Variants in TGFBR2 observed in about 807,000 individuals in gnomAD.
The protein encoded by TGFBR2 is transforming growth factor beta receptor 2.
Under a neutral mutation model 49.0 loss-of-function variants are expected in TGFBR2, and 18 were observed. The ratio of observed to expected loss-of-function variants is 0.37; its 90% confidence interval spans 0.25 to 0.54. The LOEUF is 0.54. Among genes scored for constraint, TGFBR2 ranks in the 20% least tolerant of loss-of-function variants. The pLI is 0.85. For synonymous variants in TGFBR2, 282 were observed against 275.9 expected (o/e 1.02, Z -0.22); for missense variants, 525 against 722.6 (o/e 0.73, Z 3.13).
At chr3:30,625,905 A>C (rs750007057) in intron 1 of TGFBR2, among the ~76,000 whole-genome samples, 5 of 151,964 alleles carry the variant, frequency 3.3e-5, no homozygotes, top group South Asian at 2.1e-4. Flanking sequence ...TAACTACTAC[A>C]TTTTTTCCTA....
intron 1 of TGFBR2, among the ~76,000 whole-genome samples, chr3:30,624,338 C>T (rs139728946): frequency 6.6e-6 from 1 of 152,190 alleles, no homozygotes; most frequent in African/African-American, 2.4e-5. Flanking sequence ...ACTTTGATGG[C>T]CAGGCACGGT....
At chr3:30,635,900 C>A (rs902962011) in intron 1 of TGFBR2, among the ~76,000 whole-genome samples, 1 of 152,114 alleles carries the variant, frequency 6.6e-6, no homozygotes, top group African/African-American at 2.4e-5. Flanking sequence ...TAAACACACA[C>A]ACTCACACAC....
chr3:30,672,128 G>C lies in TGFBR2; in HGVS notation c.945G>C (p.Thr315=), dbSNP rs1012171192. The part of the protein sequence containing the change: ...LQFLTAEERK[T]ELGKQYWLIT... ...TCCTGACGGCTGAGGAGCGGAAGAC[G>C]GAGTTGGGGAAACAATACTGGCTGA... Residue 315 remains threonine (T), a synonymous_variant, in exon 4 of 7, where the codon ACG becomes ACC. Coordinates refer to ENST00000295754, the MANE Select transcript of TGFBR2 (RefSeq NM_003242.6). The surrounding 1 kb of genome is among the most constrained non-coding windows in gnomAD (Gnocchi z 4.5). The C allele has an allele frequency of 6.2e-7, 1 of 1,614,194 alleles. No individual in the cohort carries two copies. Among genetic ancestry groups the C allele is most frequent in the Admixed American group, 1.7e-5 (1 of 60,030 alleles).
intron 1 of TGFBR2, among the ~76,000 whole-genome samples, chr3:30,642,362 A>T (rs2125402745): frequency 6.6e-6 from 1 of 152,232 alleles, no homozygotes; most frequent in African/African-American, 2.4e-5. Context: ...TTTCCAACTA[A>T]CTATAGGTCT....
chr3:30,633,817 A>G (rs17838695), intron 1 of TGFBR2, among the ~76,000 whole-genome samples: 16 of 152,330 alleles, frequency 1.1e-4, no homozygotes, highest in African/African-American at 3.8e-4. Flanking sequence ...GCCAAACAGA[A>G]CACATCTGTG....
chr3:30,608,583 G>A (rs1365016437), intron 1 of TGFBR2, among the ~76,000 whole-genome samples: 7 of 152,136 alleles, frequency 4.6e-5, no homozygotes, highest in Non-Finnish European at 7.3e-5. Flanking sequence ...GAAAAAATGC[G>A]CATCACGGTC....
chr3:30,608,519 G>A (rs1697975588), intron 1 of TGFBR2, among the ~76,000 whole-genome samples: 1 of 152,060 alleles, frequency 6.6e-6, no homozygotes, highest in South Asian at 2.1e-4. Flanking sequence ...TCACCCGGAG[G>A]CACTCATTTT....
At chr3:30,638,896 C>A (rs1698591857) in intron 1 of TGFBR2, among the ~76,000 whole-genome samples, 1 of 152,142 alleles carries the variant, frequency 6.6e-6, no homozygotes, top group South Asian at 2.1e-4. Context: ...CAGGCCACAG[C>A]GGCTTTCTGC....
In TGFBR2 at chr3:30,650,420, T is replaced by C. The variant is rs1308041270; in HGVS notation, c.414T>C (p.Cys138=). 1 of 1,613,988 alleles carries C rather than the reference T, an allele frequency of 6.2e-7. No homozygotes were observed. The highest frequency in any genetic ancestry group is 2.2e-5 in the East Asian group (1 of 44,888). The change falls in exon 3 of 7, where the codon TGT becomes TGC. Residue 138 remains cysteine, a synonymous_variant. Transcript: ENST00000295754. ...GTGAGACTTTCTTCATGTGTTCCTG[T>C]AGCTCTGATGAGTGCAATGACAACA... ...KPGETFFMCS[C]SSDECNDNII...
intron 1 of TGFBR2, among the ~76,000 whole-genome samples, chr3:30,608,279 T>C (rs546948079): frequency 6.6e-6 from 1 of 152,308 alleles, no homozygotes; most frequent in East Asian, 1.9e-4. Flanking sequence ...TAACAGTATC[T>C]GCAGCTGTGG....
At chr3:30,645,764 G>T (rs950981325) in intron 2 of TGFBR2, among the ~76,000 whole-genome samples, 4 of 151,930 alleles carry the variant, frequency 2.6e-5, no homozygotes, top group African/African-American at 9.7e-5. Context: ...GGAATTACAG[G>T]CATGAGCCAC....
chr3:30,620,079 C>T (rs986483482), intron 1 of TGFBR2, among the ~76,000 whole-genome samples: 1 of 152,052 alleles, frequency 6.6e-6, no homozygotes, highest in Non-Finnish European at 1.5e-5. Flanking sequence ...CCCAGCTACT[C>T]GGGAGGCTGA....
At chr3:30,636,493 G>A (rs1003843118) in intron 1 of TGFBR2, among the ~76,000 whole-genome samples, 88 of 152,088 alleles carry the variant, frequency 5.8e-4, no homozygotes, top group African/African-American at 2.1e-3. Context: ...AAAGCTGCAT[G>A]CATCTGCCAT....
At chr3:30,641,268 A>T (rs1433770498) in intron 1 of TGFBR2, among the ~76,000 whole-genome samples, 4 of 152,202 alleles carry the variant, frequency 2.6e-5, no homozygotes, top group African/African-American at 9.6e-5. Flanking sequence ...TATCAAACTT[A>T]GGTGACTCCA....
rs1199303428 is a variant in TGFBR2 at position 30,650,430 on chromosome 3, G to A, written c.424G>A (p.Glu142Lys). Reference sequence around the variant, plus strand: ...CTTCATGTGTTCCTGTAGCTCTGATGAGTGCAATGACAACATCATCTTCTC... The same window carrying A: ...CTTCATGTGTTCCTGTAGCTCTGATAAGTGCAATGACAACATCATCTTCTC... ...TFFMCSCSSD[E>K]CNDNIIFSEE... The change falls in exon 3 of 7, where the codon GAG becomes AAG. Residue 142 changes from glutamate (E) to lysine (K), a missense_variant. Physicochemically the swap from Glu to Lys is moderately conservative, Grantham distance 56. Coordinates refer to ENST00000295754, the MANE Select transcript of TGFBR2 (RefSeq NM_003242.6). 1 of 1,613,878 alleles carries A rather than the reference G, an allele frequency of 6.2e-7. No homozygotes were observed. Among genetic ancestry groups the A allele is most frequent in the Non-Finnish European group, 8.5e-7 (1 of 1,179,958 alleles).
At chr3:30,656,453 G>A (rs17026037) in intron 3 of TGFBR2, among the ~76,000 whole-genome samples, 2,047 of 152,284 alleles carry the variant, frequency 0.013, 47 homozygotes, top group African/African-American at 0.045. Flanking sequence ...AAGATGCATT[G>A]TACAAGATAC....
chr3:30,631,748 T>C (rs1698441712), intron 1 of TGFBR2, among the ~76,000 whole-genome samples: 1 of 151,950 alleles, frequency 6.6e-6, no homozygotes, highest in Non-Finnish European at 1.5e-5. Flanking sequence ...TTTTGTGTCA[T>C]TTTTCAAAAT....
At chr3:30,620,316 G>C (rs1698206673) in intron 1 of TGFBR2, among the ~76,000 whole-genome samples, 1 of 152,180 alleles carries the variant, frequency 6.6e-6, no homozygotes, top group African/African-American at 2.4e-5. Flanking sequence ...GTTTGTTGCT[G>C]TTTGGAATTC....
Position 30,691,703 on chromosome 3 carries a change from A to C in TGFBR2, c.*104A>C. ...TGAACTGATGCTTCCTGGAAAACCAAGGGGGTCACTCCCCTCCCTGTAAGC... is the reference window on the plus strand; with the variant it reads ...TGAACTGATGCTTCCTGGAAAACCACGGGGGTCACTCCCCTCCCTGTAAGC... On this transcript the variant is annotated 3_prime_UTR_variant, in exon 7 of 7. Transcript: ENST00000295754. 4 of 1,334,464 alleles carry C rather than the reference A, an allele frequency of 3.0e-6. No homozygotes were observed. Among genetic ancestry groups the C allele is most frequent in the Non-Finnish European group, 4.3e-6 (4 of 932,026 alleles). The allele number at this position is 1,334,464 out of a possible 1,614,324, so 82.7% of individuals were successfully genotyped here.
Sources: gnomAD v4.1 joint callset for allele counts (sites outside exome capture counted in the v4.1 genomes callset) on GRCh38, gnomAD v4.1.1 for gene constraint, Gnocchi (gnomAD v3.1) non-coding constraint, MANE v1.5 for transcripts, NCBI Gene and HGNC (gene_info 2026-07-23, HGNC 2026-07-21) for gene names.